The following DNAH3 variants were observed in gnomAD, a reference collection of about 807,000 sequenced individuals.
DNAH3 encodes dynein axonemal heavy chain 3, also known as axonemal beta dynein heavy chain 3.
DNAH3 carries 332 observed loss-of-function variants against 432.5 expected under a neutral mutation model. The ratio of observed to expected loss-of-function variants is 0.77; its 90% CI spans 0.70 to 0.84. The LOEUF is 0.84. Ranked by LOEUF, DNAH3 falls within the 40% of genes least tolerant of loss-of-function variation. DNAH3 has a pLI of 0.00. For missense variants in DNAH3, 4,861 were observed against 5,114.0 expected (o/e 0.95, Z 1.51); for synonymous variants, 1,956 against 1,900.2 (o/e 1.03, Z -0.76).
At chr16:21,070,305 G>A (rs1045589864) in intron 22 of DNAH3, among the ~76,000 whole-genome samples, 4 of 151,900 alleles carry the variant, frequency 2.6e-5, no homozygotes, top group African/African-American at 7.3e-5. Context: ...TTTTTGAGAC[G>A]GAGTTTCACT....
exon 31 of DNAH3, chr16:21,049,672 A>G: frequency 6.2e-7 from 1 of 1,614,096 alleles, no homozygotes; most frequent in African/African-American, 1.3e-5. Flanking sequence ...GGAGCAGTTG[A>G]AGACCACACA....
intron 56 of DNAH3, 107 bp from the exon 57 acceptor site, chr16:20,948,744 C>T: frequency 7.9e-7 from 1 of 1,266,858 alleles, no homozygotes; most frequent in Non-Finnish European, 1.1e-6. Flanking sequence ...TCTGCTGGGA[C>T]ATAGTGATAG....
At chr16:20,997,887 T>C (rs968961106) in intron 43 of DNAH3, among the ~76,000 whole-genome samples, 1 of 149,570 alleles carries the variant, frequency 6.7e-6, no homozygotes, top group Non-Finnish European at 1.5e-5. Flanking sequence ...CTTATGTCTG[T>C]GGTCCCATAC....
intron 61 of DNAH3, among the ~76,000 whole-genome samples, chr16:20,935,116 G>A (rs1318421529): frequency 1.3e-5 from 2 of 152,010 alleles, no homozygotes; most frequent in African/African-American, 4.8e-5. Flanking sequence ...GTGTTCTGAC[G>A]GAATCTGGAA....
chr16:21,063,960 G>C (rs2090452570), intron 24 of DNAH3, among the ~76,000 whole-genome samples: 1 of 152,138 alleles, frequency 6.6e-6, no homozygotes, highest in African/African-American at 2.4e-5. Flanking sequence ...GTGACCATCA[G>C]GCTGAAAGTT....
chr16:21,024,079 G>A (rs939658280), intron 39 of DNAH3, among the ~76,000 whole-genome samples: 1 of 151,992 alleles, frequency 6.6e-6, no homozygotes, highest in Admixed American at 6.6e-5. Context: ...CGCCTAACCC[G>A]AACTTTCCCA....
At chr16:20,965,457 T>G in intron 52 of DNAH3, 32 bp from the exon 53 acceptor site, 1 of 1,478,696 alleles carries the variant, frequency 6.8e-7, no homozygotes, top group Non-Finnish European at 9.0e-7. Flanking sequence ...GATAATGTGT[T>G]AAGACATTCT....
intron 42 of DNAH3, among the ~76,000 whole-genome samples, 175 bp downstream of exon 42, chr16:21,002,929 G>C (rs2087101605): frequency 6.6e-6 from 1 of 152,162 alleles, no homozygotes; most frequent in Non-Finnish European, 1.5e-5. Flanking sequence ...AAAGGATGCT[G>C]TGTCTCTCTG....
intron 41 of DNAH3, among the ~76,000 whole-genome samples, chr16:21,017,022 G>A (rs1315528340): frequency 1.3e-5 from 2 of 152,098 alleles, no homozygotes; most frequent in East Asian, 1.9e-4. Context: ...TTTGGGGGAG[G>A]TACTGTTTAA....
intron 59 of DNAH3, 55 bp from the exon 60 acceptor site, chr16:20,936,908 C>A: frequency 7.0e-7 from 1 of 1,423,382 alleles, no homozygotes; most frequent in African/African-American, 1.4e-5. Flanking sequence ...ACATTCTACC[C>A]AAGTCCACTG....
chr16:21,135,588 G>A (rs1441703806), intron 6 of DNAH3, among the ~76,000 whole-genome samples: 1 of 152,174 alleles, frequency 6.6e-6, no homozygotes, highest in East Asian at 1.9e-4. Flanking sequence ...AGCTACTCAG[G>A]AGGCTGAGGC....
intron 32 of DNAH3, among the ~76,000 whole-genome samples, chr16:21,040,765 T>C (rs1666473697): frequency 6.6e-6 from 1 of 152,118 alleles, no homozygotes; most frequent in African/African-American, 2.4e-5. Context: ...ACAGACTAAC[T>C]TTACCCTCTT....
intron 59 of DNAH3, among the ~76,000 whole-genome samples, chr16:20,938,682 A>AG (rs529315140): frequency 0.011 from 1,662 of 151,698 alleles, 24 homozygotes; most frequent in Non-Finnish European, 0.018. Flanking sequence ...AAAAAAAAAA[A>AG]AAAAAGGGAA....
chr16:21,077,329 A>T lies in DNAH3; in HGVS notation c.2970-1768T>A, dbSNP rs1420975026. 1.3e-5 allele frequency among the ~76,000 whole-genome samples: 2 copies of T among 151,824 alleles called. 1 individual carries two copies. Among genetic ancestry groups the T allele is most frequent in the East Asian group, 3.9e-4 (2 of 5,154 alleles). On this transcript the variant is annotated intron_variant, in intron 20 of 61. Coordinates refer to ENST00000261383, the Ensembl canonical transcript of DNAH3. ...AGGTGCCCTCCACCACACCTGGCTA[A>T]TTTTTGTATTTTTAGTAGAGACGGG...
intron 49 of DNAH3, among the ~76,000 whole-genome samples, 185 bp downstream of exon 49, chr16:20,982,536 G>A (rs183707826): frequency 6.6e-6 from 1 of 152,112 alleles, no homozygotes. Flanking sequence ...TCTGAACAAT[G>A]AAATTTTCTT....
At chr16:21,135,845 G>T (rs2152824473) in intron 6 of DNAH3, among the ~76,000 whole-genome samples, 1 of 149,382 alleles carries the variant, frequency 6.7e-6, no homozygotes, top group East Asian at 2.0e-4. Flanking sequence ...TTCAAGACAA[G>T]CCTAGGCAAC....
chr16:21,149,525 T>G (rs1191292431), intron 1 of DNAH3, among the ~76,000 whole-genome samples: 1 of 152,200 alleles, frequency 6.6e-6, no homozygotes, highest in Non-Finnish European at 1.5e-5. Flanking sequence ...ATGGAGGCCA[T>G]TCCCAAATGC....
chr16:21,124,488 CA>C, intron 9 of DNAH3, among the ~76,000 whole-genome samples: 1 of 152,192 alleles, frequency 6.6e-6, no homozygotes, highest in East Asian at 1.9e-4. Flanking sequence ...TTCCAATCCA[CA>C]GCTGGACTGG....
chr16:21,061,441 C>G (rs1231579576), intron 25 of DNAH3, among the ~76,000 whole-genome samples: 1 of 151,886 alleles, frequency 6.6e-6, no homozygotes. Flanking sequence ...CCAGGCTGGT[C>G]TCAAACTCCT....
Sources: gnomAD v4.1 joint callset for allele counts (sites outside exome capture counted in the v4.1 genomes callset) on GRCh38, gnomAD v4.1.1 for gene constraint, MANE v1.5 for transcripts, NCBI Gene and HGNC (gene_info 2026-07-23, HGNC 2026-07-21) for gene names.